Variants in FRMD6 observed in about 807,000 individuals in gnomAD.
The protein encoded by FRMD6 is FERM domain-containing protein 6.
Under a neutral mutation model 73.2 loss-of-function variants are expected in FRMD6, and 37 were observed. That is an observed-to-expected ratio of 0.51 (90% CI 0.39 to 0.66). FRMD6 has a LOEUF of 0.66. Ranked by LOEUF, FRMD6 falls within the 30% of genes least tolerant of loss-of-function variation. The probability of loss-of-function intolerance (pLI) is 0.00; values close to 1 mark genes in which losing one functional copy is unlikely to be tolerated. For missense variants in FRMD6, 714 were observed against 780.5 expected, an observed-to-expected ratio of 0.91 and a Z score of 1.02; for synonymous variants, 273 against 282.2, an observed-to-expected ratio of 0.97 and a Z score of 0.33.
At chr14:51,670,258 GT>G (rs1893904501) in intron 1 of FRMD6, among the ~76,000 whole-genome samples, 1 of 151,962 alleles carries the variant, frequency 6.6e-6, no homozygotes, top group Admixed American at 6.6e-5. Flanking sequence ...ATTTTTAATT[GT>G]TTTTGTGGAG....
At chr14:51,647,295 C>T (rs899153326), upstream of FRMD6, among the ~76,000 whole-genome samples, 2 of 152,018 alleles carry the variant, frequency 1.3e-5, no homozygotes, top group Admixed American at 6.5e-5. Context: ...GCTATGCTGC[C>T]TCTGAAAAAT....
At chr14:51,560,792 T>C (rs1210805397) in intron 1 of FRMD6, among the ~76,000 whole-genome samples, 1 of 151,912 alleles carries the variant, frequency 6.6e-6, no homozygotes, top group Non-Finnish European at 1.5e-5. Context: ...CTGATCTCAC[T>C]TTTTTTAGTT....
At position 51,728,373 on chromosome 14, in the gene FRMD6, T is replaced by G. The variant is rs1435298547; in HGVS notation, c.*344T>G. The stretch of plus-strand genomic sequence containing the variant: ...AGTTCAGTTACATGTAACATCACAT[T>G]TTTTTATCACGTGAAAGATGTTAGA... On this transcript the variant is annotated 3_prime_UTR_variant, in exon 14 of 14. Coordinates refer to ENST00000344768, the MANE Select transcript of FRMD6 (RefSeq NM_001267046.2). 1.5e-5 allele frequency: 3 copies of G among 202,840 alleles called. No individual in the cohort carries two copies. Among genetic ancestry groups the G allele is most frequent in the Admixed American group, 5.2e-5 (1 of 19,354 alleles). 12.6% of individuals were successfully genotyped at this position (202,840 alleles called of 1,614,324 possible). A position where few individuals can be genotyped will look rare whatever the true frequency, so the allele number is the denominator to read the frequency against.
At chr14:51,571,199 C>T (rs1423266614) in intron 2 of FRMD6, among the ~76,000 whole-genome samples, 1 of 152,134 alleles carries the variant, frequency 6.6e-6, no homozygotes, top group East Asian at 1.9e-4. Context: ...CATCGTGAGA[C>T]TTCATCTCTA....
the FRMD6 span, among the ~76,000 whole-genome samples, chr14:51,427,846 C>A: frequency 2.0e-5 from 3 of 152,182 alleles, no homozygotes; most frequent in Non-Finnish European, 4.4e-5. Flanking sequence ...GAAATTGGCA[C>A]CCACTATACA....
the FRMD6 span, among the ~76,000 whole-genome samples, chr14:51,482,674 C>CTGTGTGTGAG: frequency 6.7e-6 from 1 of 148,742 alleles, no homozygotes; most frequent in Non-Finnish European, 1.5e-5. Flanking sequence ...TTTGCAGGAA[C>CTGTGTGTGAG]TGTGTGTGTG....
intron 2 of FRMD6, among the ~76,000 whole-genome samples, chr14:51,694,974 C>G (rs1895848641): frequency 6.7e-6 from 1 of 148,558 alleles, no homozygotes; most frequent in Non-Finnish European, 1.5e-5. Flanking sequence ...TGTTAAAGAG[C>G]TTTACCAGTA....
Position 51,538,960 on chromosome 14 carries a change from G to C in FRMD6, c.-209-31388G>C, listed in dbSNP as rs537022216. Among the ~76,000 whole-genome samples the C allele has an allele frequency of 3.3e-5, 5 of 152,118 alleles. No individual in the cohort carries two copies. In the East Asian group the frequency reaches 9.7e-4, roughly 29 times the overall value. On this transcript the variant is annotated intron_variant, in intron 1 of 14. Coordinates refer to the FRMD6 transcript ENST00000356218. ...TGTAGATCAATTTGGGGAGTTTTGC[G>C]TTCTTGGATGGTTCATTGCTAGCAT...
chr14:51,673,440 A>G (rs1170271968), intron 1 of FRMD6, among the ~76,000 whole-genome samples: 1 of 152,098 alleles, frequency 6.6e-6, no homozygotes, highest in African/African-American at 2.4e-5. Context: ...TTCTCAATTC[A>G]GGGAATCTTC....
At chr14:51,602,323 C>T (rs1003621867) in intron 2 of FRMD6, among the ~76,000 whole-genome samples, 2 of 152,110 alleles carry the variant, frequency 1.3e-5, no homozygotes, top group Non-Finnish European at 2.9e-5. Flanking sequence ...AGAGAATTCT[C>T]ACAATCCTAT....
intron 1 of FRMD6, among the ~76,000 whole-genome samples, chr14:51,661,057 T>G (rs895349863): frequency 2.6e-5 from 4 of 152,170 alleles, no homozygotes; most frequent in African/African-American, 4.8e-5. Flanking sequence ...AGGACTTGAC[T>G]GTGAGTGGAA....
intron 2 of FRMD6, among the ~76,000 whole-genome samples, chr14:51,589,358 TG>T (rs11295190): frequency 0.86 from 129,465 of 150,214 alleles, 55,942 homozygotes; most frequent in Admixed American, 0.9. Context: ...TGGTTTTTTT[TG>T]TTGTTGTTGT....
At position 51,615,054 on chromosome 14, in the gene FRMD6, G is replaced by C. The variant is rs17124292; in HGVS notation, c.-147+44644G>C. On this transcript the variant is annotated intron_variant, in intron 2 of 14. Coordinates refer to the FRMD6 transcript ENST00000356218. ...GGCTAAGCATTTAGAGTATGACTGA[G>C]GAGTAACCTGTACTGTATTTTTAAA... Among the ~76,000 whole-genome samples the C allele has an allele frequency of 9.6e-3, 1,467 of 152,254 alleles. 68 individuals are homozygous for C. The highest frequency in any genetic ancestry group is 0.079 in the Admixed American group (1,204 of 15,294).
intron 2 of FRMD6, among the ~76,000 whole-genome samples, chr14:51,690,227 A>G (rs888427529): frequency 1.3e-5 from 2 of 152,236 alleles, no homozygotes; most frequent in African/African-American, 4.8e-5. Context: ...TTATTGAAGT[A>G]TATGAATTTA....
chr14:51,580,176 T>TG (rs1888638168), intron 2 of FRMD6, among the ~76,000 whole-genome samples: 1 of 151,616 alleles, frequency 6.6e-6, no homozygotes, highest in Non-Finnish European at 1.5e-5. Flanking sequence ...AACCCATAGG[T>TG]GGGGATTATC....
the FRMD6 span, among the ~76,000 whole-genome samples, chr14:51,449,106 T>A: frequency 6.6e-6 from 1 of 152,184 alleles, no homozygotes; most frequent in African/African-American, 2.4e-5. Flanking sequence ...AGAGCAGATG[T>A]CTGACCCTCA....
At chr14:51,683,405 G>T (rs1049309405) in intron 1 of FRMD6, among the ~76,000 whole-genome samples, 2 of 151,678 alleles carry the variant, frequency 1.3e-5, no homozygotes, top group Non-Finnish European at 2.9e-5. Context: ...TCAGCCTCCT[G>T]AGTAGCTAGG....
At chr14:51,540,419 C>T (rs991897545) in intron 1 of FRMD6, among the ~76,000 whole-genome samples, 1 of 152,132 alleles carries the variant, frequency 6.6e-6, no homozygotes, top group Admixed American at 6.6e-5. Flanking sequence ...TGTTTTGAGA[C>T]CTTTTACCCG....
chr14:51,416,845 G>A, the FRMD6 span, among the ~76,000 whole-genome samples: 1 of 152,128 alleles, frequency 6.6e-6, no homozygotes, highest in Admixed American at 6.5e-5. Flanking sequence ...TCCTGTATTG[G>A]GTGCATATAT....
Sources: allele counts gnomAD v4.1 joint callset (sites outside exome capture counted in the v4.1 genomes callset), GRCh38; gene constraint gnomAD v4.1.1; transcripts MANE v1.5; gene names NCBI Gene and HGNC (gene_info 2026-07-23, HGNC 2026-07-21).